The following ARHGEF9 variants were observed in gnomAD, a reference collection of about 807,000 sequenced individuals.
The protein encoded by ARHGEF9 is rho guanine nucleotide exchange factor 9.
Under a neutral mutation model 41.3 loss-of-function variants are expected in ARHGEF9, and 2 were observed. That is an observed-to-expected ratio of 0.05 (90% CI 0.02 to 0.15). The LOEUF (loss-of-function observed/expected upper bound fraction) is 0.15. Ranked by LOEUF, ARHGEF9 falls within the 10% of genes least tolerant of loss-of-function variation. The probability of loss-of-function intolerance (pLI) is 1.00; values close to 1 mark genes in which losing one functional copy is unlikely to be tolerated. For synonymous variants in ARHGEF9, 160 were observed against 154.4 expected (o/e 1.04, Z -0.27); for missense variants, 225 against 424.7 (o/e 0.53, Z 4.13).
intron 8 of ARHGEF9, chrX:63,644,263 T>C: frequency 2.9e-6 from 1 of 339,792 alleles, no homozygotes; most frequent in Admixed American, 4.9e-5. Flanking sequence ...AGCTACAAAA[T>C]GCACAACACA....
At chrX:63,784,605 G>A (rs180825423) in intron 1 of ARHGEF9, among the ~76,000 whole-genome samples, 47 of 111,917 alleles carry the variant, frequency 4.2e-4, no homozygotes, top group African/African-American at 1.5e-3. Flanking sequence ...TGGCTCTCTG[G>A]CCCTCATGCT....
intron 1 of ARHGEF9, among the ~76,000 whole-genome samples, chrX:63,780,983 A>C (rs1245683783): frequency 8.9e-6 from 1 of 112,036 alleles, no homozygotes; most frequent in Non-Finnish European, 1.9e-5. Flanking sequence ...GACAAAAAAA[A>C]CAGAATGTGG....
chrX:63,694,836 AAATG>A (rs1316354887), intron 4 of ARHGEF9, among the ~76,000 whole-genome samples: 1 of 112,111 alleles, frequency 8.9e-6, no homozygotes, highest in Non-Finnish European at 1.9e-5. Context: ...AAATCACTTA[AAATG>A]AATGAATCTT....
intron 7 of ARHGEF9, among the ~76,000 whole-genome samples, chrX:63,660,564 G>T (rs2049153569): frequency 8.9e-6 from 1 of 112,009 alleles, no homozygotes; most frequent in South Asian, 3.7e-4. Context: ...AGAAAAAACA[G>T]AAATTTTTCC....
intron 1 of ARHGEF9, among the ~76,000 whole-genome samples, chrX:63,735,829 G>C (rs781946829): frequency 8.0e-5 from 9 of 112,047 alleles, no homozygotes; most frequent in African/African-American, 2.9e-4. Flanking sequence ...TTACAGCCCA[G>C]AGAGGACATC....
chrX:63,785,127 C>A lies in ARHGEF9; in HGVS notation c.19G>T (p.Gly7Ter). The change falls in exon 1 of 10, where the codon GGA becomes TGA. Residue 7 changes from glycine to a stop codon, truncating the protein, a stop_gained. Transcript: ENST00000671741. LOFTEE classifies it high-confidence loss of function. MQWIRG[G>*]SGMLITGDSI... ...TTACATGCACTCACCATTCCCGATC[C>A]GCCCCTTATCCACTGCATGGTGCTT... is the stretch of plus-strand genomic sequence containing the variant. 1 of 1,165,196 alleles carries A rather than the reference C, an allele frequency of 8.6e-7. No individual in the cohort carries two copies. Among genetic ancestry groups the A allele is most frequent in the Non-Finnish European group, 1.1e-6 (1 of 871,953 alleles).
intron 1 of ARHGEF9, among the ~76,000 whole-genome samples, chrX:63,739,692 G>C (rs1556425344): frequency 1.8e-5 from 2 of 111,748 alleles, no homozygotes; most frequent in African/African-American, 3.3e-5. Flanking sequence ...AGAACGGTAT[G>C]GGAAAGGGGT....
chrX:63,698,178 A>T (rs2051909870), intron 3 of ARHGEF9, among the ~76,000 whole-genome samples: 2 of 107,822 alleles, frequency 1.9e-5, no homozygotes, highest in Non-Finnish European at 3.8e-5. Context: ...GTGTCCTAAC[A>T]CGTTAATATG....
At chrX:63,672,586 G>T (rs1217527724) in intron 6 of ARHGEF9, among the ~76,000 whole-genome samples, 1 of 110,885 alleles carries the variant, frequency 9.0e-6, no homozygotes, top group African/African-American at 3.3e-5. Context: ...GTAATTTCAT[G>T]CTATTTTTGG....
intron 8 of ARHGEF9, among the ~76,000 whole-genome samples, chrX:63,649,436 A>G (rs2048380209): frequency 9.0e-6 from 1 of 111,175 alleles, no homozygotes; most frequent in Non-Finnish European, 1.9e-5. Context: ...ACACATTCAA[A>G]GCAGTGTGTA....
chrX:63,707,360 T>TAAAAA (rs781874092), intron 2 of ARHGEF9: 1 of 31,657 alleles, frequency 3.2e-5, no homozygotes, highest in Non-Finnish European at 6.3e-5. Flanking sequence ...AGTGGGAAGC[T>TAAAAA]AAAAAAAAAA....
intron 1 of ARHGEF9, among the ~76,000 whole-genome samples, chrX:63,766,270 C>T (rs782126790): frequency 5.4e-5 from 6 of 111,643 alleles, no homozygotes; most frequent in South Asian, 7.6e-4. Context: ...TGTGTATGCA[C>T]ACTGAGAGGA....
intron 2 of ARHGEF9, among the ~76,000 whole-genome samples, chrX:63,718,350 T>C (rs1286042822): frequency 1.8e-5 from 2 of 111,749 alleles, no homozygotes; most frequent in African/African-American, 6.5e-5. Context: ...ATGATGATTT[T>C]CCAAAAATGT....
chrX:63,772,425 C>T lies in ARHGEF9; in HGVS notation c.30+12691G>A, dbSNP rs782249672. Among the ~76,000 whole-genome samples, 277 of 111,749 alleles carry T rather than the reference C, an allele frequency of 2.5e-3. 1 individual carries two copies. The highest frequency in any genetic ancestry group is 8.4e-3 in the African/African-American group (258 of 30,788). The stretch of plus-strand genomic sequence containing the variant: ...AGCAGACCCTATCATTCCACTCTTT[C>T]GAACACTTCCTATTGTGTTTAAAAT... On this transcript the variant is annotated intron_variant, in intron 1 of 9. Transcript: ENST00000671741.
At position 63,710,155 on chromosome X, in the gene ARHGEF9, C is replaced by T. The variant is rs1375156235; in HGVS notation, c.211-3706G>A. ...AATTGTATGCCAATAAATTACATAA[C>T]CTGATGAAATGGATAAAGTCCTAGA... is the stretch of plus-strand genomic sequence containing the variant. On this transcript the variant is annotated intron_variant, in intron 2 of 9. Transcript: ENST00000671741. Among the ~76,000 whole-genome samples the T allele has an allele frequency of 2.8e-5, 3 of 109,038 alleles. No individual in the cohort carries two copies. In the East Asian group the frequency reaches 8.6e-4, roughly 31 times the overall value. 94.7% of individuals were successfully genotyped at this position (109,038 alleles called of 115,157 possible). A position where few individuals can be genotyped will look rare whatever the true frequency, so the allele number is the denominator to read the frequency against.
chrX:63,725,185 C>T (rs868962085), intron 1 of ARHGEF9, among the ~76,000 whole-genome samples: 1 of 110,686 alleles, frequency 9.0e-6, no homozygotes, highest in Non-Finnish European at 1.9e-5. Flanking sequence ...TTAACCCCAC[C>T]GTGACCCTCC....
At chrX:63,736,689 A>T (rs2054630930) in intron 1 of ARHGEF9, among the ~76,000 whole-genome samples, 3 of 112,310 alleles carry the variant, frequency 2.7e-5, no homozygotes, top group African/African-American at 9.7e-5. Context: ...TAATGTTAAA[A>T]ACAAAAATAC....
chrX:63,667,941 G>A (rs2049682390), intron 6 of ARHGEF9, among the ~76,000 whole-genome samples: 1 of 110,840 alleles, frequency 9.0e-6, no homozygotes, highest in Non-Finnish European at 1.9e-5. Context: ...TGCAGGCTAG[G>A]AAGATGTGCT....
chrX:63,746,513 C>G (rs782687821), intron 1 of ARHGEF9, among the ~76,000 whole-genome samples: 1 of 111,686 alleles, frequency 9.0e-6, no homozygotes, highest in Non-Finnish European at 1.9e-5. Flanking sequence ...CGCCTAGGTT[C>G]TAGGCCACTA....
Sources: gnomAD v4.1 joint callset for allele counts (sites outside exome capture counted in the v4.1 genomes callset) on GRCh38, gnomAD v4.1.1 for gene constraint, MANE v1.5 for transcripts, NCBI Gene and HGNC (gene_info 2026-07-23, HGNC 2026-07-21) for gene names.